Variants in CNOT1 observed in about 807,000 individuals in gnomAD.
CNOT1 encodes the protein CCR4-associated factor 1.
A neutral mutation model predicts 273.8 loss-of-function variants in CNOT1; 15 were observed. The observed-to-expected ratio is 0.05, with a 90% CI of 0.04 to 0.08. CNOT1 has a LOEUF of 0.08. Ranked by LOEUF, CNOT1 falls within the 10% of genes least tolerant of loss-of-function variation. CNOT1 has a pLI of 1.00. For synonymous variants in CNOT1, 1,022 were observed against 1,005.5 expected (o/e 1.02, Z -0.31); for missense variants, 1,644 against 2,912.2 (o/e 0.56, Z 10.02).
intron 16 of CNOT1, among the ~76,000 whole-genome samples, chr16:58,567,746 T>C (rs1597474769): frequency 6.6e-6 from 1 of 152,166 alleles, no homozygotes; most frequent in East Asian, 1.9e-4. Flanking sequence ...ATTTGCCCTA[T>C]TATTCCCATC....
chr16:58,532,106 C>A (rs1375610949), intron 41 of CNOT1, 31 bp from the exon 42 acceptor site: 3 of 1,613,514 alleles, frequency 1.9e-6, no homozygotes, highest in Non-Finnish European at 2.5e-6. Context: ...GTCAGAAGCA[C>A]AGTCCAACTT....
intron 17 of CNOT1, among the ~76,000 whole-genome samples, chr16:58,558,972 T>C (rs560117033): frequency 6.6e-6 from 1 of 152,342 alleles, no homozygotes; most frequent in East Asian, 1.9e-4. Flanking sequence ...AATATTTGCA[T>C]ATACATAACC....
rs765681136 is a variant in CNOT1, at chr16:58,579,058, T to G, written c.1344-119A>C. ...CCAAGTTGGTGTCATGTTTTAATAT[T>G]AGAAGTTTGAAGTCCACAGCACTCT... is the stretch of plus-strand genomic sequence containing the variant. On this transcript the variant is annotated intron_variant, in intron 12 of 48. Coordinates refer to ENST00000317147, the MANE Select transcript of CNOT1 (RefSeq NM_016284.5). The G allele has an allele frequency of 8.2e-6, 12 of 1,466,044 alleles. No homozygotes were observed. In the East Asian group the frequency reaches 3.0e-4, roughly 36 times the overall value. 90.8% of individuals were successfully genotyped at this position (1,466,044 alleles called of 1,614,324 possible). A position where few individuals can be genotyped will look rare whatever the true frequency, so the allele number is the denominator to read the frequency against.
At chr16:58,608,647 A>ACTTG (rs1567442153) in intron 1 of CNOT1, among the ~76,000 whole-genome samples, 1 of 91,006 alleles carries the variant, frequency 1.1e-5, no homozygotes. Flanking sequence ...AAATTATTAT[A>ACTTG]CAAAAAAGAT....
chr16:58,573,626 G>A (rs1056911047), intron 16 of CNOT1, among the ~76,000 whole-genome samples: 25 of 151,338 alleles, frequency 1.7e-4, no homozygotes, highest in East Asian at 2.0e-4. Context: ...GACTACAGGC[G>A]CCCGCCACCA....
Position 58,587,532 on chromosome 16 carries a change from C to A in CNOT1, c.310-119G>T, listed in dbSNP as rs139327869. ...GGAGTTGCTTAATTCTGTAGTGTTACTAGAAACATTACACTATGTCCTAAA... is the reference window on the plus strand; with the variant it reads ...GGAGTTGCTTAATTCTGTAGTGTTAATAGAAACATTACACTATGTCCTAAA... On this transcript the variant is annotated intron_variant, in intron 4 of 48. Transcript: ENST00000317147. 5 of 1,386,330 alleles carry A rather than the reference C, an allele frequency of 3.6e-6. No homozygotes were observed. The East Asian group carries it at 1.2e-4, about 34-fold the overall frequency. 85.9% of individuals were successfully genotyped at this position (1,386,330 alleles called of 1,614,324 possible). A position where few individuals can be genotyped will look rare whatever the true frequency, so the allele number is the denominator to read the frequency against.
rs1029857582 is a variant in CNOT1 at position 58,534,506 on chromosome 16, A to G, written c.5647-111T>C. The G allele has an allele frequency of 3.4e-6, 4 of 1,193,624 alleles. No individual in the cohort carries two copies. In the African/African-American group the frequency reaches 6.2e-5, roughly 18 times the overall value. The allele number at this position is 1,193,624 out of a possible 1,614,324, so 73.9% of individuals were successfully genotyped here. A position where few individuals can be genotyped will look rare whatever the true frequency, so the allele number is the denominator to read the frequency against. On this transcript the variant is annotated intron_variant, in intron 39 of 48. Coordinates refer to ENST00000317147, the MANE Select transcript of CNOT1 (RefSeq NM_016284.5). ...TATTCTCATTTGTTCCTACTGTCATATTTCTAATTCTTACATTGTAATAAA... is the reference window on the plus strand; with the variant it reads ...TATTCTCATTTGTTCCTACTGTCATGTTTCTAATTCTTACATTGTAATAAA...
intron 2 of CNOT1, among the ~76,000 whole-genome samples, chr16:58,593,926 C>A (rs942830069): frequency 6.6e-6 from 1 of 152,076 alleles, no homozygotes; most frequent in African/African-American, 2.4e-5. Flanking sequence ...ACAGATGAAT[C>A]CTACTTGAAA....
chr16:58,629,753 C>G lies in CNOT1; in HGVS notation c.-200G>C, dbSNP rs2043755780. 1.3e-5 allele frequency: 2 copies of G among 152,418 alleles called. No individual in the cohort carries two copies. Among genetic ancestry groups the G allele is most frequent in the African/African-American group, 2.4e-5 (1 of 41,470 alleles). The allele number at this position is 152,418 out of a possible 1,614,324, so 9.4% of individuals were successfully genotyped here. On this transcript the variant is annotated 5_prime_UTR_variant, in exon 1 of 49. Coordinates refer to ENST00000317147, the MANE Select transcript of CNOT1 (RefSeq NM_016284.5). ...CTCAGGCGGCTCCGGCAGCGCTGGA[C>G]ACAGGAAACTCCTGGGTCCCCGACT...
chr16:58,538,417 A>C (rs961306767), intron 36 of CNOT1, 151 bp from the exon 37 acceptor site: 1 of 632,280 alleles, frequency 1.6e-6, no homozygotes, highest in African/African-American at 1.8e-5. Context: ...GTAATGAAAT[A>C]GAACAGATAG....
chr16:58,599,343 G>C lies in CNOT1; in HGVS notation c.-6C>G. ...GAGAGCGAGTCAAGATTCATTGCTG[G>C]TTGGGGCGGAAGCAGGCGGCCGAGC... is the stretch of plus-strand genomic sequence containing the variant. On this transcript the variant is annotated 5_prime_UTR_variant, in exon 2 of 49. Coordinates refer to ENST00000317147, the MANE Select transcript of CNOT1 (RefSeq NM_016284.5). 3.1e-6 allele frequency: 5 copies of C among 1,614,160 alleles called. No individual in the cohort carries two copies. Among genetic ancestry groups the C allele is most frequent in the Non-Finnish European group, 4.2e-6 (5 of 1,180,038 alleles).
intron 1 of CNOT1, among the ~76,000 whole-genome samples, chr16:58,601,912 A>G (rs1656700895): frequency 6.6e-6 from 1 of 151,752 alleles, no homozygotes; most frequent in African/African-American, 2.4e-5. Flanking sequence ...GTAAATAATA[A>G]AAAGATGATG....
intron 16 of CNOT1, among the ~76,000 whole-genome samples, chr16:58,569,250 G>A (rs1160276372): frequency 6.6e-6 from 1 of 152,072 alleles, no homozygotes; most frequent in East Asian, 1.9e-4. Flanking sequence ...AGCCTCCCAA[G>A]TAGCTGGGAC....
At chr16:58,533,233 A>C (rs2039822814) in intron 40 of CNOT1, 1 of 152,326 alleles carries the variant, frequency 6.6e-6, no homozygotes, top group African/African-American at 2.4e-5. Flanking sequence ...GTTGGCCTCA[A>C]TAGGGTTAAG....
Position 58,520,616 on chromosome 16 carries a change from G to C in CNOT1, c.*342C>G, listed in dbSNP as rs2039337502. The C allele has an allele frequency of 7.4e-6, 2 of 271,522 alleles. No homozygotes were observed. The highest frequency in any genetic ancestry group is 1.4e-5 in the Non-Finnish European group (2 of 139,828). The allele number at this position is 271,522 out of a possible 1,614,324, so 16.8% of individuals were successfully genotyped here. A position where few individuals can be genotyped will look rare whatever the true frequency, so the allele number is the denominator to read the frequency against. ...CTCAGACAAGTGCATGGCATCAGCTGCCTCTTCATTACAAGGTACCAGTTT... is the reference window on the plus strand; with the variant it reads ...CTCAGACAAGTGCATGGCATCAGCTCCCTCTTCATTACAAGGTACCAGTTT... On this transcript the variant is annotated 3_prime_UTR_variant, in exon 49 of 49. Coordinates refer to ENST00000317147, the MANE Select transcript of CNOT1 (RefSeq NM_016284.5).
chr16:58,545,872 T>G lies in CNOT1; in HGVS notation c.4007-381A>C, dbSNP rs548905056. On this transcript the variant is annotated intron_variant, in intron 29 of 48. Transcript: ENST00000317147. Reference sequence around the variant, plus strand: ...GACTGAGAAAGAAAGAAAAGCTCAATTTATTCTAACCACAACTCCCAATCA... The same window carrying G: ...GACTGAGAAAGAAAGAAAAGCTCAAGTTATTCTAACCACAACTCCCAATCA... 5.9e-5 allele frequency among the ~76,000 whole-genome samples: 9 copies of G among 152,326 alleles called. 1 individual carries two copies. The South Asian group carries it at 1.7e-3, about 28-fold the overall frequency.
At chr16:58,521,492 G>C (rs2039368043) in intron 47 of CNOT1, among the ~76,000 whole-genome samples, 175 bp from the exon 48 acceptor site, 1 of 152,256 alleles carries the variant, frequency 6.6e-6, no homozygotes. Flanking sequence ...GGAATACCTG[G>C]GTTTGAACCC....
chr16:58,582,542 A>C (rs889841949), intron 10 of CNOT1, among the ~76,000 whole-genome samples: 3 of 152,220 alleles, frequency 2.0e-5, no homozygotes, highest in Non-Finnish European at 4.4e-5. Flanking sequence ...AGAAGTGGCA[A>C]GATAATTATG....
At chr16:58,544,672 C>A (rs895352814) in intron 30 of CNOT1, among the ~76,000 whole-genome samples, 1 of 152,134 alleles carries the variant, frequency 6.6e-6, no homozygotes, top group Non-Finnish European at 1.5e-5. Context: ...ATTAATGTTA[C>A]TCTTGTATTT....
Sources: allele counts gnomAD v4.1 joint callset (sites outside exome capture counted in the v4.1 genomes callset), GRCh38; gene constraint gnomAD v4.1.1; transcripts MANE v1.5; gene names NCBI Gene and HGNC (gene_info 2026-07-23, HGNC 2026-07-21).